The following ATP10D variants were observed in gnomAD, a reference collection of about 807,000 sequenced individuals.
ATP10D encodes the protein phospholipid-transporting ATPase VD.
A neutral mutation model predicts 144.8 loss-of-function variants in ATP10D; 89 were observed. The ratio of observed to expected loss-of-function variants is 0.61; its 90% confidence interval spans 0.52 to 0.73. The LOEUF (loss-of-function observed/expected upper bound fraction) is 0.73. Among genes scored for constraint, ATP10D ranks in the 30% least tolerant of loss-of-function variants. The probability of loss-of-function intolerance (pLI) is 0.00; values close to 1 mark genes in which losing one functional copy is unlikely to be tolerated. For missense variants in ATP10D, 1,603 were observed against 1,714.8 expected, an observed-to-expected ratio of 0.93 and a Z score of 1.15; for synonymous variants, 571 against 615.1, an observed-to-expected ratio of 0.93 and a Z score of 1.06.
intron 1 of ATP10D, among the ~76,000 whole-genome samples, chr4:47,489,026 C>G (rs1468376082): frequency 6.6e-6 from 1 of 152,146 alleles, no homozygotes; most frequent in Non-Finnish European, 1.5e-5. Flanking sequence ...TACAAATCAC[C>G]TAGTTTATGG....
intron 1 of ATP10D, among the ~76,000 whole-genome samples, chr4:47,507,680 TG>T (rs1015776631): frequency 6.6e-6 from 1 of 152,206 alleles, no homozygotes; most frequent in African/African-American, 2.4e-5. Flanking sequence ...GGCCAAGCAC[TG>T]GACAGATGCA....
rs763842765 is a variant in ATP10D, at chr4:47,593,405, A to G, written c.*2024A>G. On this transcript the variant is annotated 3_prime_UTR_variant, in exon 23 of 23. Transcript: ENST00000273859. ...TATACTTTGCTACAAAAATATTAAT[A>G]TATTTCATTACTGAATGCTAAACTG... 5 of 152,152 alleles carry G rather than the reference A, an allele frequency of 3.3e-5. No homozygotes were observed. Among genetic ancestry groups the G allele is most frequent in the Non-Finnish European group, 5.9e-5 (4 of 67,984 alleles). 9.4% of individuals were successfully genotyped at this position (152,152 alleles called of 1,614,324 possible).
At chr4:47,582,217 A>G (rs990849182) in intron 21 of ATP10D, among the ~76,000 whole-genome samples, 153 bp downstream of exon 21, 1 of 152,152 alleles carries the variant, frequency 6.6e-6, no homozygotes, top group Non-Finnish European at 1.5e-5. Flanking sequence ...TGATCATTGA[A>G]TGCCATTATG....
At chr4:47,491,301 TG>T in intron 1 of ATP10D, 2 of 789,206 alleles carry the variant, frequency 2.5e-6, no homozygotes, top group Non-Finnish European at 2.0e-6. Context: ...GTAACACTGG[TG>T]GGGCATTCCT....
intron 22 of ATP10D, 47 bp downstream of exon 22, chr4:47,587,253 T>C: frequency 3.9e-6 from 6 of 1,537,230 alleles, no homozygotes; most frequent in Non-Finnish European, 5.3e-6. Context: ...AATCATAGGC[T>C]AAGAATCCTT....
At chr4:47,488,789 C>A (rs1714915202) in intron 1 of ATP10D, among the ~76,000 whole-genome samples, 1 of 152,068 alleles carries the variant, frequency 6.6e-6, no homozygotes, top group South Asian at 2.1e-4. Flanking sequence ...GAGGTACAGG[C>A]TTTGGAATAT....
chr4:47,587,770 T>C (rs1467813163), intron 22 of ATP10D, among the ~76,000 whole-genome samples: 1 of 152,144 alleles, frequency 6.6e-6, no homozygotes, highest in African/African-American at 2.4e-5. Context: ...CTCTGCCTTA[T>C]CACCTCTTAA....
chr4:47,489,467 G>T (rs1280431644), intron 1 of ATP10D, among the ~76,000 whole-genome samples: 2 of 152,092 alleles, frequency 1.3e-5, no homozygotes, highest in East Asian at 1.9e-4. Context: ...TTATATTTGG[G>T]TGGTAGGATT....
At chr4:47,585,019 A>G (rs549495968) in intron 21 of ATP10D, among the ~76,000 whole-genome samples, 1 of 152,328 alleles carries the variant, frequency 6.6e-6, no homozygotes, top group African/African-American at 2.4e-5. Context: ...GATATGTGCC[A>G]CCAATAGTAC....
intron 4 of ATP10D, 101 bp from the exon 5 acceptor site, chr4:47,525,456 A>G: frequency 2.4e-6 from 2 of 820,750 alleles, no homozygotes; most frequent in Non-Finnish European, 3.9e-6. Flanking sequence ...CATTGCAAAA[A>G]GGCTTAGCAT....
intron 19 of ATP10D, 31 bp from the exon 20 acceptor site, chr4:47,580,367 A>T: frequency 6.6e-7 from 1 of 1,520,942 alleles, no homozygotes; most frequent in Non-Finnish European, 9.1e-7. Flanking sequence ...TGTTAATCTT[A>T]CTACCTCCCC....
chr4:47,509,789 T>A (rs1201841321), intron 1 of ATP10D, among the ~76,000 whole-genome samples: 1 of 152,188 alleles, frequency 6.6e-6, no homozygotes, highest in African/African-American at 2.4e-5. Context: ...ACTATCAGTA[T>A]CTTTTTACCA....
intron 5 of ATP10D, among the ~76,000 whole-genome samples, chr4:47,528,666 A>T (rs1305087899): frequency 3.3e-5 from 5 of 152,066 alleles, no homozygotes; most frequent in African/African-American, 1.2e-4. Flanking sequence ...CTTTGGGTAG[A>T]TACCCAGTAG....
intron 1 of ATP10D, among the ~76,000 whole-genome samples, chr4:47,503,565 G>C (rs994365324): frequency 6.6e-6 from 1 of 152,104 alleles, no homozygotes; most frequent in Non-Finnish European, 1.5e-5. Flanking sequence ...CTTATATAGC[G>C]CTTCCTCCCA....
rs894154138 is a variant in ATP10D, at chr4:47,577,651, G to A, written c.3567+678G>A. ...TTAAAATAATGCATTTATTTTCATC[G>A]GTCTAACTAATCTGACTTGAAATGC... On this transcript the variant is annotated intron_variant, in intron 19 of 22. Coordinates refer to ENST00000273859, the MANE Select transcript of ATP10D (RefSeq NM_020453.4). Among the ~76,000 whole-genome samples the A allele has an allele frequency of 9.2e-5, 14 of 152,156 alleles. No individual in the cohort carries two copies. In the East Asian group the frequency reaches 1.2e-3, roughly 13 times the overall value.
chr4:47,505,527 C>T (rs1314741881), intron 1 of ATP10D, among the ~76,000 whole-genome samples: 1 of 152,158 alleles, frequency 6.6e-6, no homozygotes, highest in African/African-American at 2.4e-5. Flanking sequence ...AGTTCGAGAA[C>T]TGCCTGGCCA....
intron 19 of ATP10D, among the ~76,000 whole-genome samples, chr4:47,579,793 G>A (rs1560456734): frequency 6.6e-6 from 1 of 152,262 alleles, no homozygotes; most frequent in Non-Finnish European, 1.5e-5. Flanking sequence ...ATTGGAGGGA[G>A]TGGAAGGAGT....
chr4:47,566,349 C>A (rs1330518929), intron 15 of ATP10D, among the ~76,000 whole-genome samples: 1 of 151,964 alleles, frequency 6.6e-6, no homozygotes, highest in East Asian at 1.9e-4. Flanking sequence ...TATACAAAGG[C>A]CTTTCAGGAT....
At chr4:47,565,830 G>T (rs1390762226) in intron 15 of ATP10D, among the ~76,000 whole-genome samples, 2 of 151,722 alleles carry the variant, frequency 1.3e-5, no homozygotes, top group East Asian at 1.9e-4. Flanking sequence ...ATGTTTAAAG[G>T]CATTTAAAAC....
Sources: allele counts gnomAD v4.1 joint callset (sites outside exome capture counted in the v4.1 genomes callset), GRCh38; gene constraint gnomAD v4.1.1; transcripts MANE v1.5; gene names NCBI Gene and HGNC (gene_info 2026-07-23, HGNC 2026-07-21).